The following OTUD7A variants were observed in gnomAD, a reference collection of about 807,000 sequenced individuals.
The protein encoded by OTUD7A is OTU domain-containing protein 7A.
Under a neutral mutation model 65.7 loss-of-function variants are expected in OTUD7A, and 12 were observed. The ratio of observed to expected loss-of-function variants is 0.18; its 90% CI spans 0.12 to 0.30. The LOEUF is 0.30. Ranked by LOEUF, OTUD7A falls within the 10% of genes least tolerant of loss-of-function variation. The probability of loss-of-function intolerance (pLI) is 1.00; values close to 1 mark genes in which losing one functional copy is unlikely to be tolerated. For synonymous variants in OTUD7A, 641 were observed against 586.3 expected, an observed-to-expected ratio of 1.09 and a Z score of -1.35; for missense variants, 1,148 against 1,304.8, an observed-to-expected ratio of 0.88 and a Z score of 1.85.
Position 31,477,880 on chromosome 15 carries a change from G to C in OTUD7A, c.*5414C>G, listed in dbSNP as rs2041047109. 1 of 146,254 alleles carries C rather than the reference G, an allele frequency of 6.8e-6. No individual in the cohort carries two copies. Among genetic ancestry groups the C allele is most frequent in the Non-Finnish European group, 1.5e-5 (1 of 66,216 alleles). 9.1% of individuals were successfully genotyped at this position (146,254 alleles called of 1,614,324 possible). A position where few individuals can be genotyped will look rare whatever the true frequency, so the allele number is the denominator to read the frequency against. On this transcript the variant is annotated 3_prime_UTR_variant, in exon 13 of 13. Coordinates refer to ENST00000307050, the MANE Select transcript of OTUD7A (RefSeq NM_001382637.1). ...TAGGTGCACAAGAAGAAGATGCAGA[G>C]AGGTGGGTAGGGAGGGAGGGTGGGG...
intron 1 of OTUD7A, among the ~76,000 whole-genome samples, chr15:31,722,124 T>C (rs1210349495): frequency 1.3e-5 from 2 of 152,192 alleles, no homozygotes; most frequent in Non-Finnish European, 2.9e-5. Flanking sequence ...GTTCTGGTTA[T>C]TGAGCCATGA....
intron 3 of OTUD7A, among the ~76,000 whole-genome samples, chr15:31,583,546 C>T (rs1285501371): frequency 1.4e-4 from 21 of 151,922 alleles, no homozygotes; most frequent in Admixed American, 1.4e-3. Context: ...ATACTGTTCT[C>T]ATGGTAGTGA....
chr15:31,549,337 G>A (rs1175342007), intron 5 of OTUD7A, among the ~76,000 whole-genome samples: 4 of 152,112 alleles, frequency 2.6e-5, no homozygotes, highest in African/African-American at 9.7e-5. Context: ...TTATCATACT[G>A]CAAGTAATGA....
intron 1 of OTUD7A, among the ~76,000 whole-genome samples, chr15:31,668,632 C>T (rs991996226): frequency 2.0e-5 from 3 of 152,174 alleles, no homozygotes; most frequent in African/African-American, 4.8e-5. Flanking sequence ...AACTAACCTC[C>T]TGAATTATTT....
At chr15:31,805,711 T>C (rs1367318928) in intron 1 of OTUD7A, among the ~76,000 whole-genome samples, 2 of 152,202 alleles carry the variant, frequency 1.3e-5, no homozygotes, top group African/African-American at 2.4e-5. Context: ...TGTGCTTCTC[T>C]GCACAGGGAG....
At chr15:31,818,499 C>T (rs566977402) in intron 1 of OTUD7A, among the ~76,000 whole-genome samples, 12 of 152,282 alleles carry the variant, frequency 7.9e-5, no homozygotes, top group African/African-American at 2.4e-4. Flanking sequence ...AGGGAGACAG[C>T]GGCCTCCCTG....
At chr15:31,731,153 G>A (rs947311754) in intron 1 of OTUD7A, among the ~76,000 whole-genome samples, 3 of 152,182 alleles carry the variant, frequency 2.0e-5, no homozygotes, top group Admixed American at 6.5e-5. Context: ...GGTGAATCAT[G>A]TGCATTTTCT....
intron 3 of OTUD7A, among the ~76,000 whole-genome samples, chr15:31,626,861 C>T (rs527393628): frequency 6.6e-6 from 1 of 152,060 alleles, no homozygotes; most frequent in South Asian, 2.1e-4. Flanking sequence ...CAGGTGTGAG[C>T]CACTGCACCC....
intron 3 of OTUD7A, among the ~76,000 whole-genome samples, chr15:31,646,918 G>A (rs1168447320): frequency 6.6e-6 from 1 of 152,148 alleles, no homozygotes; most frequent in African/African-American, 2.4e-5. Flanking sequence ...ACTGCAAATG[G>A]TCTTAATGGG....
chr15:31,747,053 T>C (rs542040675), intron 1 of OTUD7A, among the ~76,000 whole-genome samples: 1 of 152,136 alleles, frequency 6.6e-6, no homozygotes, highest in South Asian at 2.1e-4. Flanking sequence ...TGAACTATAC[T>C]TGGTTGATTT....
At chr15:31,782,874 T>C (rs563101990) in intron 1 of OTUD7A, among the ~76,000 whole-genome samples, 119 of 152,196 alleles carry the variant, frequency 7.8e-4, no homozygotes, top group African/African-American at 2.6e-3. Context: ...CATGGAGACA[T>C]CAACTGGGCA....
chr15:31,649,255 G>T (rs913689478), intron 3 of OTUD7A, among the ~76,000 whole-genome samples: 5 of 152,204 alleles, frequency 3.3e-5, no homozygotes, highest in Admixed American at 2.0e-4. Context: ...CAGGAAGCAG[G>T]TGAACAGGCA....
chr15:31,697,825 G>A (rs891378680), intron 1 of OTUD7A, among the ~76,000 whole-genome samples: 6 of 152,198 alleles, frequency 3.9e-5, no homozygotes, highest in South Asian at 4.1e-4. Flanking sequence ...AATGCGCTGT[G>A]TTAGCATTGT....
intron 1 of OTUD7A, among the ~76,000 whole-genome samples, chr15:31,777,950 G>A (rs1895430985): frequency 6.6e-6 from 1 of 152,216 alleles, no homozygotes; most frequent in African/African-American, 2.4e-5. Context: ...GGGTGACACA[G>A]GTGGAAATGA....
chr15:31,568,920 C>T (rs547998443), intron 4 of OTUD7A, among the ~76,000 whole-genome samples: 2 of 152,338 alleles, frequency 1.3e-5, no homozygotes, highest in African/African-American at 4.8e-5. Context: ...AGAAGCTGAG[C>T]AGATGCCAGC....
intron 1 of OTUD7A, among the ~76,000 whole-genome samples, chr15:31,829,210 G>T (rs1232426168): frequency 2.6e-5 from 4 of 152,196 alleles, no homozygotes; most frequent in African/African-American, 9.7e-5. Context: ...TGGAGGACAG[G>T]GGTGGCACTA....
chr15:31,727,434 GCTGT>G (rs1486681521), intron 1 of OTUD7A, among the ~76,000 whole-genome samples: 1 of 151,484 alleles, frequency 6.6e-6, no homozygotes, highest in Non-Finnish European at 1.5e-5. Flanking sequence ...TTTCCCCACT[GCTGT>G]CTCAGACCTT....
chr15:31,616,440 G>A (rs771290239), intron 3 of OTUD7A, among the ~76,000 whole-genome samples: 1 of 152,166 alleles, frequency 6.6e-6, no homozygotes. Context: ...AAGAGGCTGG[G>A]CCTCAACAAT....
chr15:31,585,868 A>G (rs1390051527), intron 3 of OTUD7A, among the ~76,000 whole-genome samples: 1 of 152,200 alleles, frequency 6.6e-6, no homozygotes, highest in Admixed American at 6.5e-5. Flanking sequence ...TAATGACATC[A>G]ATAGAGAGAG....
Sources: gnomAD v4.1 joint callset for allele counts (sites outside exome capture counted in the v4.1 genomes callset) on GRCh38, gnomAD v4.1.1 for gene constraint, MANE v1.5 for transcripts, NCBI Gene and HGNC (gene_info 2026-07-23, HGNC 2026-07-21) for gene names.